DNAH12: variants seen among roughly 807,000 people sequenced by gnomAD.
DNAH12 encodes dynein axonemal heavy chain 12.
A neutral mutation model predicts 371.5 loss-of-function variants in DNAH12; 285 were observed. The ratio of observed to expected loss-of-function variants is 0.77; its 90% CI spans 0.70 to 0.85. The LOEUF (loss-of-function observed/expected upper bound fraction) is 0.85. DNAH12 is among the 40% of genes least tolerant of loss of function. DNAH12 has a pLI of 0.00. For synonymous variants in DNAH12, 1,200 were observed against 1,213.0 expected (o/e 0.99, Z 0.22); for missense variants, 3,611 against 3,689.4 (o/e 0.98, Z 0.55).
At chr3:57,367,171 T>C (rs1468809475) in intron 56 of DNAH12, among the ~76,000 whole-genome samples, 1 of 151,924 alleles carries the variant, frequency 6.6e-6, no homozygotes, top group Non-Finnish European at 1.5e-5. Flanking sequence ...CTACTAAAAA[T>C]ACTAAAAAAA....
chr3:57,534,188 T>C (rs1330964395), intron 2 of DNAH12, among the ~76,000 whole-genome samples: 1 of 152,132 alleles, frequency 6.6e-6, no homozygotes, highest in African/African-American at 2.4e-5. Context: ...GCACTCTCCA[T>C]CCCCAAGTGC....
At chr3:57,353,611 A>T (rs978564184) in intron 59 of DNAH12, among the ~76,000 whole-genome samples, 175 of 152,320 alleles carry the variant, frequency 1.1e-3, no homozygotes, top group African/African-American at 4.0e-3. Context: ...ATGGGAGAAA[A>T]TATTTTCAAA....
rs949599333 is a variant in DNAH12, at chr3:57,419,503, G to A, written c.5578C>T (p.Arg1860Cys). ...ATTAATTCATTCCAATGGACCCAGCGACCTTTGTTTTTCAACTACAAGAAA... is the reference window on the plus strand; with the variant it reads ...ATTAATTCATTCCAATGGACCCAGCAACCTTTGTTTTTCAACTACAAGAAA... Reference protein sequence around the residue: ...DYMYELKNKGRWVHWNELIKN... With the variant: ...DYMYELKNKGCWVHWNELIKN... The change falls in exon 37 of 74, where the codon CGC (arginine) becomes TGC (cysteine). Residue 1860 changes from arginine to cysteine, a missense_variant. Transcript: ENST00000495027. 1.0e-5 allele frequency: 15 copies of A among 1,434,678 alleles called. No homozygotes were observed. The highest frequency in any genetic ancestry group is 7.4e-5 in the African/African-American group (5 of 67,116). The allele number at this position is 1,434,678 out of a possible 1,614,324, so 88.9% of individuals were successfully genotyped here.
rs1027357239 is a variant in DNAH12 at position 57,362,247 on chromosome 3, T to C, written c.9360+1347A>G. On this transcript the variant is annotated intron_variant, in intron 58 of 73. Transcript: ENST00000495027. Reference sequence around the variant, plus strand: ...TTCCATGGTCTATATGTGCCACATTTTCTTAATCCAGTCTATCATTGATGG... The same window carrying C: ...TTCCATGGTCTATATGTGCCACATTCTCTTAATCCAGTCTATCATTGATGG... Among the ~76,000 whole-genome samples, 6 of 152,370 alleles carry C rather than the reference T, an allele frequency of 3.9e-5. 1 individual carries two copies. Among genetic ancestry groups the C allele is most frequent in the African/African-American group, 1.4e-4 (6 of 41,594 alleles).
At chr3:57,337,954 G>A (rs560916252) in intron 60 of DNAH12, among the ~76,000 whole-genome samples, 17 of 152,194 alleles carry the variant, frequency 1.1e-4, no homozygotes, top group South Asian at 4.2e-4. Flanking sequence ...ACATTCTCCC[G>A]GATTGGCCAT....
At chr3:57,544,765 G>C (rs1348112903), upstream of DNAH12, among the ~76,000 whole-genome samples, 1 of 152,046 alleles carries the variant, frequency 6.6e-6, no homozygotes, top group Non-Finnish European at 1.5e-5. Flanking sequence ...GGAATTCTTT[G>C]GCAAAATCAA....
intron 55 of DNAH12, among the ~76,000 whole-genome samples, chr3:57,372,680 C>T (rs879033104): frequency 0.056 from 8,538 of 151,494 alleles, 337 homozygotes; most frequent in Non-Finnish European, 0.08. Context: ...TAAATACCAG[C>T]ACAAACACTA....
chr3:57,522,742 G>A (rs76957848), intron 4 of DNAH12, among the ~76,000 whole-genome samples: 7,120 of 151,946 alleles, frequency 0.047, 213 homozygotes, highest in African/African-American at 0.084. Context: ...AGTTCCATAC[G>A]TTTCTGTTAT....
At position 57,356,208 on chromosome 3, in the gene DNAH12, G is replaced by T. The variant is rs2062794540; in HGVS notation, c.9533+968C>A. 3.3e-5 allele frequency among the ~76,000 whole-genome samples: 5 copies of T among 152,210 alleles called. No homozygotes were observed. In the South Asian group the frequency reaches 1.0e-3, roughly 32 times the overall value. ...TGTAATCTCAGCACTTAGGGATGCTGAGTCGGGCAGATTTCTTGAGTCCAG... is the reference window on the plus strand; with the variant it reads ...TGTAATCTCAGCACTTAGGGATGCTTAGTCGGGCAGATTTCTTGAGTCCAG... On this transcript the variant is annotated intron_variant, in intron 59 of 73. Transcript: ENST00000495027.
At chr3:57,342,714 G>T (rs1243384624) in intron 60 of DNAH12, among the ~76,000 whole-genome samples, 3 of 133,636 alleles carry the variant, frequency 2.2e-5, no homozygotes, top group Admixed American at 7.5e-5. Context: ...ATCCACCAAA[G>T]AATTAATATC....
intron 55 of DNAH12, among the ~76,000 whole-genome samples, chr3:57,373,848 GC>G (rs1170753079): frequency 6.6e-6 from 1 of 152,046 alleles, no homozygotes; most frequent in Non-Finnish European, 1.5e-5. Context: ...AAGTATCTTT[GC>G]TCTCAAGTAA....
At chr3:57,406,987 C>T (rs1233283350) in intron 40 of DNAH12, among the ~76,000 whole-genome samples, 15 of 152,084 alleles carry the variant, frequency 9.9e-5, no homozygotes, top group African/African-American at 3.6e-4. Context: ...CAACCTCCAC[C>T]TCCTGGATTC....
At chr3:57,405,343 T>C (rs1449125661) in intron 41 of DNAH12, among the ~76,000 whole-genome samples, 196 bp from the exon 42 acceptor site, 2 of 152,176 alleles carry the variant, frequency 1.3e-5, no homozygotes, top group African/African-American at 4.8e-5. Flanking sequence ...TTATATGTTT[T>C]GTTGTTGTTA....
intron 60 of DNAH12, among the ~76,000 whole-genome samples, chr3:57,338,331 G>C (rs1575472696): frequency 6.6e-6 from 1 of 152,226 alleles, no homozygotes; most frequent in South Asian, 2.1e-4. Flanking sequence ...GCCCAGGCTG[G>C]AGTGCAGTGG....
upstream of DNAH12, among the ~76,000 whole-genome samples, chr3:57,547,594 T>C (rs1237768590): frequency 6.6e-6 from 1 of 152,230 alleles, no homozygotes; most frequent in Non-Finnish European, 1.5e-5. Flanking sequence ...ATTCTGGAGA[T>C]ATCAGGTAGA....
chr3:57,452,300 T>G (rs997301167), intron 25 of DNAH12, among the ~76,000 whole-genome samples: 1 of 152,160 alleles, frequency 6.6e-6, no homozygotes, highest in East Asian at 1.9e-4. Flanking sequence ...CATTAAAAAA[T>G]TATTTGTTGT....
chr3:57,366,349 C>T (rs915317577), intron 57 of DNAH12, among the ~76,000 whole-genome samples: 12 of 152,070 alleles, frequency 7.9e-5, no homozygotes, highest in African/African-American at 2.9e-4. Context: ...GACTAGCAGC[C>T]CTTGGGGCTG....
chr3:57,448,473 G>C (rs1220535902), intron 25 of DNAH12, among the ~76,000 whole-genome samples: 1 of 152,204 alleles, frequency 6.6e-6, no homozygotes, highest in Non-Finnish European at 1.5e-5. Flanking sequence ...AGGGGGGCTC[G>C]TGGTCTCGCT....
chr3:57,362,265 A>G (rs980375954), intron 58 of DNAH12, among the ~76,000 whole-genome samples: 5 of 152,142 alleles, frequency 3.3e-5, no homozygotes, highest in Admixed American at 6.5e-5. Flanking sequence ...CCAGTCTATC[A>G]TTGATGGACA....
Sources: allele counts gnomAD v4.1 joint callset (sites outside exome capture counted in the v4.1 genomes callset), GRCh38; gene constraint gnomAD v4.1.1; transcripts MANE v1.5; gene names NCBI Gene and HGNC (gene_info 2026-07-23, HGNC 2026-07-21).